The following SLC24A3 variants were observed in gnomAD, a reference collection of about 807,000 sequenced individuals.
SLC24A3 encodes the protein sodium/potassium/calcium exchanger 3.
SLC24A3 carries 28 observed loss-of-function variants against 75.8 expected under a neutral mutation model. The observed-to-expected ratio is 0.37, with a 90% CI of 0.27 to 0.51. SLC24A3 has a LOEUF of 0.51. Ranked by LOEUF, SLC24A3 falls within the 20% of genes least tolerant of loss-of-function variation. SLC24A3 has a pLI of 0.94. For synonymous variants in SLC24A3, 372 were observed against 334.1 expected, an observed-to-expected ratio of 1.11 and a Z score of -1.24; for missense variants, 663 against 847.8, an observed-to-expected ratio of 0.78 and a Z score of 2.71.
At chr20:19,527,315 C>T (rs1031226240) in intron 3 of SLC24A3, among the ~76,000 whole-genome samples, 7 of 152,158 alleles carry the variant, frequency 4.6e-5, no homozygotes, top group African/African-American at 1.7e-4. Context: ...CCCCATCATG[C>T]CCAGCACGGC....
chr20:19,552,561 A>G (rs1416139300), intron 3 of SLC24A3, among the ~76,000 whole-genome samples: 1 of 152,212 alleles, frequency 6.6e-6, no homozygotes, highest in Non-Finnish European at 1.5e-5. Flanking sequence ...AGCATAAATC[A>G]TTCCTTTACT....
intron 3 of SLC24A3, among the ~76,000 whole-genome samples, chr20:19,526,929 C>A (rs6046160): frequency 7.9e-5 from 12 of 151,900 alleles, no homozygotes; most frequent in African/African-American, 2.7e-4. Flanking sequence ...TGGCCATTGT[C>A]GTTATTTTTA....
chr20:19,713,261 A>G lies in SLC24A3; in HGVS notation c.1720-4267A>G, dbSNP rs555030084. On this transcript the variant is annotated intron_variant, in intron 15 of 16. Coordinates refer to ENST00000328041, the MANE Select transcript of SLC24A3 (RefSeq NM_020689.4). ...CATGCCCTGCTCTTAAAAAAATAAG[A>G]TGGTATAATTCTTCCAACTTTCCTG... is the stretch of plus-strand genomic sequence containing the variant. Among the ~76,000 whole-genome samples the G allele has an allele frequency of 2.7e-4, 41 of 152,288 alleles. 1 individual carries two copies. The highest frequency in any genetic ancestry group is 8.4e-4 in the African/African-American group (35 of 41,560).
intron 3 of SLC24A3, among the ~76,000 whole-genome samples, chr20:19,535,334 C>T (rs1946860033): frequency 6.6e-6 from 1 of 152,202 alleles, no homozygotes; most frequent in African/African-American, 2.4e-5. Flanking sequence ...TTTCTGTAGT[C>T]AGCTGTCAGC....
chr20:19,664,385 A>G (rs928589883), intron 7 of SLC24A3, among the ~76,000 whole-genome samples: 3 of 152,180 alleles, frequency 2.0e-5, no homozygotes, highest in Admixed American at 6.5e-5. Flanking sequence ...CCCAATGTCA[A>G]CTTGTTGAAT....
intron 6 of SLC24A3, among the ~76,000 whole-genome samples, chr20:19,612,049 C>A (rs367954915): frequency 2.0e-5 from 3 of 152,186 alleles, no homozygotes; most frequent in African/African-American, 7.2e-5. Flanking sequence ...TTCAGGCTTG[C>A]GGCTTTCCAT....
intron 2 of SLC24A3, among the ~76,000 whole-genome samples, chr20:19,436,557 C>G (rs747749171): frequency 6.6e-6 from 1 of 152,210 alleles, no homozygotes; most frequent in Non-Finnish European, 1.5e-5. Flanking sequence ...AGCACTAGAG[C>G]AAAGGAGCCC....
intron 6 of SLC24A3, among the ~76,000 whole-genome samples, chr20:19,622,222 G>A (rs983865133): frequency 6.6e-6 from 1 of 152,188 alleles, no homozygotes; most frequent in Admixed American, 6.5e-5. Flanking sequence ...ACTGGAGCTG[G>A]GTTCTAAGAT....
At chr20:19,404,218 A>T (rs572665335) in intron 2 of SLC24A3, among the ~76,000 whole-genome samples, 2 of 152,254 alleles carry the variant, frequency 1.3e-5, no homozygotes, top group East Asian at 3.9e-4. Context: ...CTCTCCTGGG[A>T]GCTGGGAATA....
chr20:19,515,368 A>T, intron 2 of SLC24A3, 120 bp from the exon 3 acceptor site: 1 of 964,038 alleles, frequency 1.0e-6, no homozygotes, highest in Non-Finnish European at 1.6e-6. Flanking sequence ...GAACTTAAAG[A>T]TTCAGGATCT....
At chr20:19,364,920 A>T (rs1434214753) in intron 2 of SLC24A3, among the ~76,000 whole-genome samples, 1 of 152,166 alleles carries the variant, frequency 6.6e-6, no homozygotes, top group East Asian at 1.9e-4. Context: ...GAGAAATGAA[A>T]GGAAGAAAGC....
At chr20:19,654,440 G>A (rs1262875189) in intron 7 of SLC24A3, among the ~76,000 whole-genome samples, 5 of 151,634 alleles carry the variant, frequency 3.3e-5, no homozygotes, top group African/African-American at 7.3e-5. Context: ...CCTAGCTTTG[G>A]ACATCACTTC....
chr20:19,554,227 A>G (rs2030747866), intron 3 of SLC24A3, among the ~76,000 whole-genome samples: 1 of 152,260 alleles, frequency 6.6e-6, no homozygotes, highest in African/African-American at 2.4e-5. Flanking sequence ...TAGTATTTTT[A>G]TATGGATTCC....
chr20:19,428,168 C>T (rs377176898), intron 2 of SLC24A3, among the ~76,000 whole-genome samples: 5 of 152,202 alleles, frequency 3.3e-5, no homozygotes, highest in African/African-American at 1.2e-4. Context: ...AGCATGAGCC[C>T]GGTCTGGTTG....
At chr20:19,430,508 GTTTA>G (rs1987082593) in intron 2 of SLC24A3, among the ~76,000 whole-genome samples, 1 of 152,166 alleles carries the variant, frequency 6.6e-6, no homozygotes, top group Non-Finnish European at 1.5e-5. Flanking sequence ...CATTCTCCCA[GTTTA>G]TTTATGTGGA....
intron 15 of SLC24A3, among the ~76,000 whole-genome samples, chr20:19,712,931 G>C (rs1267421624): frequency 6.6e-6 from 1 of 152,242 alleles, no homozygotes; most frequent in Non-Finnish European, 1.5e-5. Context: ...CTGCCTTGTG[G>C]TAGAGAAACA....
chr20:19,510,221 T>C (rs933142382), intron 2 of SLC24A3, among the ~76,000 whole-genome samples: 3 of 152,322 alleles, frequency 2.0e-5, no homozygotes, highest in African/African-American at 7.2e-5. Context: ...AAGAAGCTTC[T>C]AACATGGTGG....
At chr20:19,397,581 C>A (rs930156765) in intron 2 of SLC24A3, among the ~76,000 whole-genome samples, 7 of 150,436 alleles carry the variant, frequency 4.7e-5, no homozygotes, top group African/African-American at 1.5e-4. Context: ...TTCATTTTGC[C>A]TTAAAAATGT....
At chr20:19,568,615 G>T in intron 3 of SLC24A3, among the ~76,000 whole-genome samples, 1 of 152,270 alleles carries the variant, frequency 6.6e-6, no homozygotes. Context: ...GGGAAAATGG[G>T]GAGTTATTGT....
Sources: allele counts gnomAD v4.1 joint callset (sites outside exome capture counted in the v4.1 genomes callset), GRCh38; gene constraint gnomAD v4.1.1; transcripts MANE v1.5; gene names NCBI Gene and HGNC (gene_info 2026-07-23, HGNC 2026-07-21).